ANKHD1: variants seen among roughly 807,000 people sequenced by gnomAD.
ANKHD1 encodes ankyrin repeat and KH domain-containing protein 1.
ANKHD1 carries 31 observed loss-of-function variants against 230.5 expected under a neutral mutation model. The observed-to-expected ratio is 0.13, with a 90% CI of 0.10 to 0.18. The LOEUF is 0.18. Ranked by LOEUF, ANKHD1 falls within the 10% of genes least tolerant of loss-of-function variation. The pLI is 1.00. For synonymous variants in ANKHD1, 1,074 were observed against 1,117.6 expected (o/e 0.96, Z 0.78); for missense variants, 2,256 against 3,071.3 (o/e 0.73, Z 6.27).
intron 1 of ANKHD1, among the ~76,000 whole-genome samples, chr5:140,409,591 C>T (rs1343420252): frequency 1.3e-5 from 2 of 148,152 alleles, no homozygotes; most frequent in Admixed American, 6.8e-5. Flanking sequence ...CTTGCTCTGT[C>T]ACCCAGGCTG....
At chr5:140,457,081 C>T (rs1172441634) in intron 7 of ANKHD1, among the ~76,000 whole-genome samples, 2 of 152,204 alleles carry the variant, frequency 1.3e-5, no homozygotes, top group Non-Finnish European at 2.9e-5. Flanking sequence ...GACATTTATG[C>T]AGCCAACAGA....
chr5:140,491,145 T>TACAC (rs1751769478), intron 14 of ANKHD1, among the ~76,000 whole-genome samples: 2 of 95,410 alleles, frequency 2.1e-5, no homozygotes, highest in African/African-American at 8.3e-5. Context: ...TACACATATA[T>TACAC]ATATATATAT....
At chr5:140,538,545 T>C (rs910495754) in intron 32 of ANKHD1, among the ~76,000 whole-genome samples, 3 of 152,230 alleles carry the variant, frequency 2.0e-5, no homozygotes, top group Admixed American at 6.5e-5. Context: ...ATGAGTTCAC[T>C]GATGCTTTCT....
intron 1 of ANKHD1, among the ~76,000 whole-genome samples, chr5:140,435,622 C>T (rs1773386530): frequency 6.6e-6 from 1 of 151,896 alleles, no homozygotes; most frequent in African/African-American, 2.4e-5. Context: ...CAGGTAATCC[C>T]CCTGCCTCAG....
chr5:140,509,623 A>T lies in ANKHD1; in HGVS notation c.3766-14A>T, dbSNP rs1752678283. The T allele has an allele frequency of 2.0e-6, 3 of 1,498,254 alleles. No homozygotes were observed. In the South Asian group the frequency reaches 4.2e-5, roughly 21 times the overall value. The allele number at this position is 1,498,254 out of a possible 1,614,324, so 92.8% of individuals were successfully genotyped here. On this transcript the variant is annotated splice_polypyrimidine_tract_variant and intron_variant, in intron 20 of 33. Coordinates refer to ENST00000360839, the MANE Select transcript of ANKHD1 (RefSeq NM_017747.3). ...GAAATGTAACTTAGTTGCATAATTT[A>T]TTGGTTTAAACAGACGGGTCTTACC...
intron 24 of ANKHD1, among the ~76,000 whole-genome samples, chr5:140,514,187 TA>T (rs141993613): frequency 0.22 from 24,214 of 111,424 alleles, 2,386 homozygotes; most frequent in East Asian, 0.29. Context: ...CTCTCTCTAT[TA>T]AAAAAAAAAA....
intron 7 of ANKHD1, among the ~76,000 whole-genome samples, chr5:140,456,543 C>G (rs973552492): frequency 2.0e-5 from 3 of 152,170 alleles, no homozygotes; most frequent in African/African-American, 4.8e-5. Context: ...ACAGAGCCCT[C>G]AGAAATAATA....
intron 22 of ANKHD1, among the ~76,000 whole-genome samples, chr5:140,511,949 AT>A (rs955478477): frequency 2.6e-5 from 4 of 152,184 alleles, no homozygotes; most frequent in African/African-American, 9.6e-5. Flanking sequence ...TAAAATAGAT[AT>A]GCTGGCCGGG....
In ANKHD1 at chr5:140,514,698, C is replaced by T. The variant is rs117893256; in HGVS notation, c.4317+1219C>T. Among the ~76,000 whole-genome samples the T allele has an allele frequency of 1.2e-3, 185 of 151,748 alleles. 2 individuals carry two copies. The East Asian group carries it at 0.033, about 27-fold the overall frequency. On this transcript the variant is annotated intron_variant, in intron 24 of 33. Coordinates refer to ENST00000360839, the MANE Select transcript of ANKHD1 (RefSeq NM_017747.3). ...CAAGATCCCAATTTACGGCTGGGAG[C>T]GGTAGCTCACACCTGTAATCCCAGC...
rs369245406 is a variant in ANKHD1 at position 140,483,452 on chromosome 5, CTT to C, written c.1870+806_1870+807del. ...TTAAAAATGCAGGGTAAGATTTTAT[CTT>C]TTTTTTTTTTTTTTTTTTTTGAGAA... On this transcript the variant is annotated intron_variant, in intron 11 of 33. Coordinates refer to ENST00000360839, the MANE Select transcript of ANKHD1 (RefSeq NM_017747.3). 2.8e-3 allele frequency among the ~76,000 whole-genome samples: 311 copies of C among 110,582 alleles called. 1 individual carries two copies. Among genetic ancestry groups the C allele is most frequent in the Non-Finnish European group, 4.1e-3 (219 of 53,194 alleles). The allele number at this position is 110,582 out of a possible 152,430, so 72.5% of individuals were successfully genotyped here.
chr5:140,402,169 A>G lies in ANKHD1; in HGVS notation c.202A>G (p.Thr68Ala), dbSNP rs2126825241. 6.6e-7 allele frequency: 1 copy of G among 1,526,406 alleles called. No individual in the cohort carries two copies. The highest frequency in any genetic ancestry group is 8.8e-7 in the Non-Finnish European group (1 of 1,142,130). The allele number at this position is 1,526,406 out of a possible 1,614,324, so 94.6% of individuals were successfully genotyped here. The change falls in exon 1 of 34, where the codon ACG (threonine) becomes GCG (alanine). Residue 68 changes from threonine to alanine, a missense_variant. Thr to Ala is a moderately conservative substitution (Grantham distance 58). Coordinates refer to ENST00000360839, the MANE Select transcript of ANKHD1 (RefSeq NM_017747.3). The stretch of plus-strand genomic sequence containing the variant: ...CGGCGGCGGCGGCAGCGGCAGCGGT[A>G]CGGGCGGAGGGGACGCGGCGCTGGA... ...SSGGGGSGSGTGGGDAALDFK... is the reference protein window; with the variant it reads ...SSGGGGSGSGAGGGDAALDFK...
intron 14 of ANKHD1, among the ~76,000 whole-genome samples, chr5:140,494,540 G>A (rs1236698984): frequency 2.6e-5 from 4 of 152,126 alleles, no homozygotes; most frequent in Admixed American, 2.0e-4. Flanking sequence ...TGAAATTGTG[G>A]TCATCTTACC....
intron 16 of ANKHD1, 59 bp from the exon 17 acceptor site, chr5:140,505,063 G>C: frequency 6.2e-7 from 1 of 1,602,336 alleles, no homozygotes; most frequent in Non-Finnish European, 8.5e-7. Flanking sequence ...AATATTATTT[G>C]CTCTTAAATT....
At chr5:140,498,712 C>T (rs890025143) in intron 15 of ANKHD1, among the ~76,000 whole-genome samples, 7 of 151,878 alleles carry the variant, frequency 4.6e-5, no homozygotes, top group Non-Finnish European at 8.8e-5. Context: ...AGTATGATTA[C>T]GAATAATAAT....
chr5:140,505,464 C>A (rs986598091), intron 17 of ANKHD1, among the ~76,000 whole-genome samples: 2 of 152,078 alleles, frequency 1.3e-5, no homozygotes, highest in African/African-American at 4.8e-5. Flanking sequence ...CTTTGTTAAT[C>A]CAAAGGTAGT....
intron 6 of ANKHD1, among the ~76,000 whole-genome samples, chr5:140,447,400 G>GTCTCACTATGTTGCCCAGGTGGC (rs1774372738): frequency 6.6e-6 from 1 of 151,710 alleles, no homozygotes; most frequent in Admixed American, 6.6e-5. Flanking sequence ...AGAGATGGGG[G>GTCTCACTATGTTGCCCAGGTGGC]TCTCACTATG....
At chr5:140,454,620 C>A (rs1775019245) in intron 7 of ANKHD1, among the ~76,000 whole-genome samples, 2 of 152,226 alleles carry the variant, frequency 1.3e-5, no homozygotes, top group East Asian at 1.9e-4. Flanking sequence ...CTACTGGGCA[C>A]ATAACGAAAT....
intron 1 of ANKHD1, among the ~76,000 whole-genome samples, chr5:140,426,087 T>G (rs550275925): frequency 1.4e-4 from 21 of 152,342 alleles, no homozygotes; most frequent in African/African-American, 5.1e-4. Flanking sequence ...TTTTGGTTGT[T>G]TAAAATACCT....
Position 140,539,403 on chromosome 5 carries a change from C to T in ANKHD1, c.7614C>T (p.Leu2538=), listed in dbSNP as rs773940042. 2 of 1,613,844 alleles carry T rather than the reference C, an allele frequency of 1.2e-6. No individual in the cohort carries two copies. Among genetic ancestry groups the T allele is most frequent in the Admixed American group, 1.7e-5 (1 of 60,006 alleles). Reference sequence around the variant, plus strand: ...CACCTCATATTGGAAACATGCATCTCAAATATGTCAACTAAGTTAGAAGGT... The same window carrying T: ...CACCTCATATTGGAAACATGCATCTTAAATATGTCAACTAAGTTAGAAGGT... ...TWAPHIGNMH[L]KYVN The change falls in exon 34 of 34, where the codon CTC becomes CTT. Residue 2538 remains leucine (L), a synonymous_variant. Coordinates refer to ENST00000360839, the MANE Select transcript of ANKHD1 (RefSeq NM_017747.3).
Sources: allele counts gnomAD v4.1 joint callset (sites outside exome capture counted in the v4.1 genomes callset), GRCh38; gene constraint gnomAD v4.1.1; transcripts MANE v1.5; gene names NCBI Gene and HGNC (gene_info 2026-07-23, HGNC 2026-07-21).